LRIG1: variants seen among roughly 807,000 people sequenced by gnomAD.
The protein encoded by LRIG1 is leucine rich repeats and immunoglobulin like domains 1.
In LRIG1, 48 loss-of-function variants were observed where a neutral mutation model predicts 99.2. That is an observed-to-expected ratio of 0.48 (90% CI 0.38 to 0.62). LRIG1 has a LOEUF of 0.62. Ranked by LOEUF, LRIG1 falls within the 20% of genes least tolerant of loss-of-function variation. The pLI is 0.00. For synonymous variants in LRIG1, 772 were observed against 596.1 expected (o/e 1.29, Z -4.30); for missense variants, 1,646 against 1,434.4 (o/e 1.15, Z -2.38).
chr3:66,444,193 G>A (rs541163737), intron 3 of LRIG1, among the ~76,000 whole-genome samples: 4 of 152,360 alleles, frequency 2.6e-5, no homozygotes, highest in South Asian at 4.1e-4. Context: ...CTCCTGCCAC[G>A]TTGGGCTGCT....
intron 2 of LRIG1, among the ~76,000 whole-genome samples, chr3:66,456,890 T>C (rs1211863758): frequency 6.6e-6 from 1 of 152,170 alleles, no homozygotes; most frequent in African/African-American, 2.4e-5. Context: ...ACTGTATAAA[T>C]AGCCCCTTTT....
intron 1 of LRIG1, among the ~76,000 whole-genome samples, chr3:66,465,391 T>C (rs1575712317): frequency 8.0e-6 from 1 of 125,358 alleles, no homozygotes; most frequent in East Asian, 2.3e-4. Flanking sequence ...TTGAGACGAG[T>C]CTTGCTCTGT....
intron 12 of LRIG1, among the ~76,000 whole-genome samples, chr3:66,388,626 T>G (rs1701494693): frequency 6.6e-6 from 1 of 152,102 alleles, no homozygotes; most frequent in African/African-American, 2.4e-5. Flanking sequence ...CTCATCACAT[T>G]CAAGGGATCT....
intron 9 of LRIG1, 130 bp downstream of exon 9, chr3:66,405,068 C>T (rs1702211975): frequency 1.3e-6 from 1 of 748,730 alleles, no homozygotes; most frequent in East Asian, 2.7e-5. Flanking sequence ...CAAGCTCTGC[C>T]CCAAACAAAA....
chr3:66,416,865 T>A lies in LRIG1; in HGVS notation c.503+264A>T, dbSNP rs1281429433. ...TCTGTTCTTGAGTCCTAGACTCTCG[T>A]CTTGGAGTGCTGAGTCCTTCCTGCC... On this transcript the variant is annotated intron_variant, in intron 4 of 18. Transcript: ENST00000273261. 2.0e-5 allele frequency among the ~76,000 whole-genome samples: 3 copies of A among 152,226 alleles called. No homozygotes were observed. The East Asian group carries it at 5.8e-4, about 29-fold the overall frequency.
intron 14 of LRIG1, 99 bp from the exon 15 acceptor site, chr3:66,383,500 GATGC>G (rs1701209270): frequency 9.4e-7 from 1 of 1,064,352 alleles, no homozygotes; most frequent in Non-Finnish European, 1.3e-6. Context: ...ATATCAATGA[GATGC>G]ATCTGAGATT....
At chr3:66,411,153 C>T (rs1317320871) in intron 6 of LRIG1, among the ~76,000 whole-genome samples, 5 of 152,298 alleles carry the variant, frequency 3.3e-5, no homozygotes, top group East Asian at 1.9e-4. Flanking sequence ...GCTAGCACCC[C>T]GCTTCCCAAC....
chr3:66,430,897 C>A (rs574727261), intron 3 of LRIG1, among the ~76,000 whole-genome samples: 4 of 152,242 alleles, frequency 2.6e-5, no homozygotes, highest in South Asian at 2.1e-4. Context: ...TGTTTTCCCC[C>A]AAATGTATCA....
chr3:66,434,090 G>A (rs1559797332), intron 3 of LRIG1, among the ~76,000 whole-genome samples: 1 of 152,160 alleles, frequency 6.6e-6, no homozygotes, highest in Admixed American at 6.5e-5. Flanking sequence ...ACACTTATTA[G>A]GCTTTATCAC....
chr3:66,401,611 TC>T, intron 9 of LRIG1: 1 of 1,522,472 alleles, frequency 6.6e-7, no homozygotes, highest in Admixed American at 2.0e-5. Flanking sequence ...GTCCTTACCT[TC>T]CCCCAGCAGA....
rs551995263 is a variant in LRIG1, at chr3:66,412,513, G to T, written c.791+358C>A. On this transcript the variant is annotated intron_variant, in intron 6 of 18. Transcript: ENST00000273261. ...TTCAGTGGATGTCCCAATCTGCTAGGAAAATACCCTCAGGTTTGGCCCGGT... is the reference window on the plus strand; with the variant it reads ...TTCAGTGGATGTCCCAATCTGCTAGTAAAATACCCTCAGGTTTGGCCCGGT... Among the ~76,000 whole-genome samples the T allele has an allele frequency of 1.3e-3, 196 of 152,346 alleles. 1 individual carries two copies. Among genetic ancestry groups the T allele is most frequent in the African/African-American group, 2.7e-3 (114 of 41,578 alleles).
intron 12 of LRIG1, among the ~76,000 whole-genome samples, chr3:66,391,595 G>A (rs1701621424): frequency 6.6e-6 from 1 of 152,188 alleles, no homozygotes; most frequent in African/African-American, 2.4e-5. Context: ...AATGAGATTA[G>A]TGCTATCAAG....
Position 66,496,576 on chromosome 3 carries a change from T to A in LRIG1, c.218+3614A>T, listed in dbSNP as rs1701232908. Among the ~76,000 whole-genome samples, 3 of 152,220 alleles carry A rather than the reference T, an allele frequency of 2.0e-5. No individual in the cohort carries two copies. In the South Asian group the frequency reaches 6.2e-4, roughly 31 times the overall value. Reference sequence around the variant, plus strand: ...CTAAGAGCACTTGCACCTTTCAGACTGTATTCTTGGCAATTAACCTGTGTT... The same window carrying A: ...CTAAGAGCACTTGCACCTTTCAGACAGTATTCTTGGCAATTAACCTGTGTT... On this transcript the variant is annotated intron_variant, in intron 1 of 18. Transcript: ENST00000273261.
At chr3:66,415,801 G>T (rs906074271) in intron 4 of LRIG1, among the ~76,000 whole-genome samples, 2 of 152,188 alleles carry the variant, frequency 1.3e-5, no homozygotes, top group African/African-American at 2.4e-5. Flanking sequence ...AAAAAGAAAA[G>T]AAAGTACAAG....
At chr3:66,404,109 A>C in intron 9 of LRIG1, 1 of 482,322 alleles carries the variant, frequency 2.1e-6, no homozygotes, top group Non-Finnish European at 3.7e-6. Context: ...GACGCTCAAG[A>C]AGTACCTTCT....
rs1267848941 is a variant in LRIG1 at position 66,384,022 on chromosome 3, A to C, written c.2040T>G (p.Ser680=). 2 of 1,614,004 alleles carry C rather than the reference A, an allele frequency of 1.2e-6. No homozygotes were observed. Among genetic ancestry groups the C allele is most frequent in the Non-Finnish European group, 1.7e-6 (2 of 1,179,922 alleles). Residue 680 remains serine (S), a synonymous_variant, in exon 14 of 19, where the codon TCT becomes TCG. Coordinates refer to ENST00000273261, the MANE Select transcript of LRIG1 (RefSeq NM_015541.3). ...CAGTCAGGGTGGCATTAGCTGAAAT[A>C]GAACCGGCTGAGTTCTGAGCAGTAC... ...YSCTAQNSAG[S]ISANATLTVL...
intron 3 of LRIG1, among the ~76,000 whole-genome samples, chr3:66,441,377 T>C (rs754296393): frequency 3.3e-5 from 5 of 152,206 alleles, no homozygotes; most frequent in Admixed American, 6.5e-5. Flanking sequence ...TCGAACACGT[T>C]TGGGCTCTGC....
intron 3 of LRIG1, among the ~76,000 whole-genome samples, chr3:66,422,725 A>T (rs989439750): frequency 6.6e-6 from 1 of 152,166 alleles, no homozygotes; most frequent in East Asian, 1.9e-4. Flanking sequence ...GTATGTTTTC[A>T]GCAATGTCCC....
chr3:66,500,384 C>A lies in LRIG1; in HGVS notation c.24G>T (p.Gly8=). The change falls in exon 1 of 19, where the codon GGG becomes GGT. Residue 8 remains glycine (G), a synonymous_variant. Coordinates refer to ENST00000273261, the MANE Select transcript of LRIG1 (RefSeq NM_015541.3). ...AAGGCGAGCGGCGCGGGGCCCCGAGCCCTCCCCGGACCGGCCGCGCCATCT... is the reference window on the plus strand; with the variant it reads ...AAGGCGAGCGGCGCGGGGCCCCGAGACCTCCCCGGACCGGCCGCGCCATCT... MARPVRG[G]LGAPRRSPCL... is the part of the protein sequence containing the mutation. 6.8e-7 allele frequency: 1 copy of A among 1,462,782 alleles called. No individual in the cohort carries two copies. Among genetic ancestry groups the A allele is most frequent in the East Asian group, 2.7e-5 (1 of 36,466 alleles). 90.6% of individuals were successfully genotyped at this position (1,462,782 alleles called of 1,614,324 possible).
Sources: gnomAD v4.1 joint callset for allele counts (sites outside exome capture counted in the v4.1 genomes callset) on GRCh38, gnomAD v4.1.1 for gene constraint, MANE v1.5 for transcripts, NCBI Gene and HGNC (gene_info 2026-07-23, HGNC 2026-07-21) for gene names.